Variants in PTPRN2 observed in about 807,000 individuals in gnomAD.
The protein encoded by PTPRN2 is receptor-type tyrosine-protein phosphatase N2.
A neutral mutation model predicts 118.8 loss-of-function variants in PTPRN2; 74 were observed. The observed-to-expected ratio is 0.62, with a 90% CI of 0.52 to 0.76. PTPRN2 has a LOEUF of 0.76. Ranked by LOEUF, PTPRN2 falls within the 30% of genes least tolerant of loss-of-function variation. PTPRN2 has a pLI of 0.00. For missense variants in PTPRN2, 1,481 were observed against 1,394.4 expected (o/e 1.06, Z -0.99); for synonymous variants, 641 against 608.0 (o/e 1.05, Z -0.80).
At chr7:157,745,539 G>C (rs1028366324) in intron 12 of PTPRN2, among the ~76,000 whole-genome samples, 17 of 151,974 alleles carry the variant, frequency 1.1e-4, no homozygotes, top group African/African-American at 3.9e-4. Context: ...CTCCGACAAT[G>C]CTCACCTCTC....
intron 3 of PTPRN2, among the ~76,000 whole-genome samples, chr7:158,227,208 T>C (rs1204213753): frequency 6.6e-6 from 1 of 151,980 alleles, no homozygotes; most frequent in East Asian, 1.9e-4. Context: ...CCATCTGTTT[T>C]AGGAGAAAAA....
chr7:158,340,313 C>A (rs1299893554), intron 2 of PTPRN2, among the ~76,000 whole-genome samples: 1 of 98,068 alleles, frequency 1.0e-5, no homozygotes, highest in African/African-American at 3.7e-5. Context: ...AGCTGACACC[C>A]ACAGACATCA....
At chr7:158,104,276 G>A (rs749731134) in intron 10 of PTPRN2, among the ~76,000 whole-genome samples, 41 of 152,200 alleles carry the variant, frequency 2.7e-4, no homozygotes, top group Non-Finnish European at 4.7e-4. Flanking sequence ...CCTGAGGAAG[G>A]CCAGGATGAA....
rs945915605 is a variant in PTPRN2, at chr7:157,704,605, G to A, written c.1789-21668C>T. On this transcript the variant is annotated intron_variant, in intron 12 of 22. Coordinates refer to ENST00000389418, the MANE Select transcript of PTPRN2 (RefSeq NM_002847.5). ...TACCACCTCCTGGCTCCCCACATTC[G>A]CTTCTGGGCACACGTGGAGGGAGGG... Among the ~76,000 whole-genome samples, 3 of 152,056 alleles carry A rather than the reference G, an allele frequency of 2.0e-5. 1 individual carries two copies. Among genetic ancestry groups the A allele is most frequent in the East Asian group, 3.9e-4 (2 of 5,172 alleles).
intron 12 of PTPRN2, among the ~76,000 whole-genome samples, chr7:157,731,552 T>A (rs1184494729): frequency 6.2e-5 from 5 of 80,304 alleles, no homozygotes; most frequent in Non-Finnish European, 1.4e-4. Flanking sequence ...AGTTACCCTT[T>A]CCCGTCCCAT....
chr7:157,723,506 C>T (rs774922906), intron 12 of PTPRN2, among the ~76,000 whole-genome samples: 30 of 152,194 alleles, frequency 2.0e-4, no homozygotes, highest in Non-Finnish European at 3.7e-4. Context: ...CTGCGCTCGC[C>T]GGCTGTGTTC....
chr7:158,238,306 TC>T (rs1469940579), intron 3 of PTPRN2, among the ~76,000 whole-genome samples: 1 of 151,784 alleles, frequency 6.6e-6, no homozygotes, highest in Non-Finnish European at 1.5e-5. Context: ...GAAACCGTCC[TC>T]CCCTCCCTCC....
chr7:158,282,934 G>A (rs993955409), intron 3 of PTPRN2, among the ~76,000 whole-genome samples: 1 of 146,352 alleles, frequency 6.8e-6, no homozygotes, highest in African/African-American at 2.6e-5. Flanking sequence ...GATATAGACG[G>A]TGGTCCCTCC....
chr7:158,249,415 GCATGCACACGCATCACACA>G (rs1040878208), intron 3 of PTPRN2, among the ~76,000 whole-genome samples: 1 of 143,372 alleles, frequency 7.0e-6, no homozygotes, highest in African/African-American at 2.7e-5. Context: ...CACACACCCT[GCATGCACACGCATCACACA>G]CATGCACACC....
chr7:158,257,151 A>G lies in PTPRN2; in HGVS notation c.278-51878T>C, dbSNP rs373029151. The stretch of plus-strand genomic sequence containing the variant: ...AATCATGCTCAAAGAGGTTTCGAGT[A>G]TCCTCTGTCTACCACCCAGGTCAGC... On this transcript the variant is annotated intron_variant, in intron 3 of 22. Transcript: ENST00000389418. Among the ~76,000 whole-genome samples the G allele has an allele frequency of 4.6e-5, 7 of 152,266 alleles. No homozygotes were observed. In the East Asian group the frequency reaches 1.4e-3, roughly 29 times the overall value.
At chr7:157,717,756 C>T (rs868299526) in intron 12 of PTPRN2, among the ~76,000 whole-genome samples, 15 of 152,244 alleles carry the variant, frequency 9.9e-5, no homozygotes, top group South Asian at 4.1e-4. Context: ...TCCCGACCTG[C>T]GGGCCAGCAC....
intron 17 of PTPRN2, among the ~76,000 whole-genome samples, chr7:157,586,282 T>C (rs2150545957): frequency 6.6e-6 from 1 of 152,298 alleles, no homozygotes; most frequent in African/African-American, 2.4e-5. Context: ...ATCTGTGACG[T>C]AGCAGCCTCT....
intron 6 of PTPRN2, among the ~76,000 whole-genome samples, 155 bp downstream of exon 6, chr7:158,166,776 C>A (rs916472812): frequency 3.3e-5 from 5 of 152,234 alleles, no homozygotes; most frequent in African/African-American, 1.2e-4. Context: ...GCCGAAGGGA[C>A]CCTTCCCTAC....
chr7:157,777,958 A>G (rs1213529537), intron 12 of PTPRN2, among the ~76,000 whole-genome samples: 3 of 150,934 alleles, frequency 2.0e-5, no homozygotes, highest in Non-Finnish European at 4.4e-5. Context: ...GGACCTTTAG[A>G]AAAATCTTTA....
chr7:158,293,756 T>A (rs200319826), intron 3 of PTPRN2, among the ~76,000 whole-genome samples: 1 of 147,120 alleles, frequency 6.8e-6, no homozygotes, highest in African/African-American at 2.5e-5. Context: ...ACTTTTTTGT[T>A]AAAAAAAAAA....
chr7:158,062,365 G>A (rs528734434), intron 11 of PTPRN2, among the ~76,000 whole-genome samples: 24 of 152,362 alleles, frequency 1.6e-4, no homozygotes, highest in African/African-American at 5.5e-4. Context: ...GGGCTCTGCA[G>A]TTTCCCAGGT....
chr7:158,512,745 T>A (rs1823269645), intron 1 of PTPRN2, among the ~76,000 whole-genome samples: 1 of 152,182 alleles, frequency 6.6e-6, no homozygotes, highest in African/African-American at 2.4e-5. Context: ...ATACACAAGA[T>A]GAGCCTAAAG....
intron 11 of PTPRN2, among the ~76,000 whole-genome samples, chr7:157,994,596 G>GTTCTAAAATCAGCA (rs1804541956): frequency 3.8e-5 from 4 of 104,358 alleles, no homozygotes; most frequent in African/African-American, 1.9e-4. Context: ...CTAAATCAAT[G>GTTCTAAAATCAGCA]CCGCGTCCCC....
At chr7:158,207,274 TGC>T (rs1827232529) in intron 3 of PTPRN2, among the ~76,000 whole-genome samples, 2 of 146,912 alleles carry the variant, frequency 1.4e-5, no homozygotes, top group South Asian at 4.4e-4. Context: ...AACATACGTG[TGC>T]ATGTGTCTTT....
Sources: allele counts gnomAD v4.1 joint callset (sites outside exome capture counted in the v4.1 genomes callset), GRCh38; gene constraint gnomAD v4.1.1; transcripts MANE v1.5; gene names NCBI Gene and HGNC (gene_info 2026-07-23, HGNC 2026-07-21).